The following SEMA4D variants were observed in gnomAD, a reference collection of about 807,000 sequenced individuals.
SEMA4D encodes semaphorin-4D.
SEMA4D carries 22 observed loss-of-function variants against 74.8 expected under a neutral mutation model. The ratio of observed to expected loss-of-function variants is 0.29; its 90% CI spans 0.21 to 0.42. The LOEUF is 0.42. Ranked by LOEUF, SEMA4D falls within the 10% of genes least tolerant of loss-of-function variation. SEMA4D has a pLI of 1.00. For synonymous variants in SEMA4D, 445 were observed against 463.7 expected (o/e 0.96, Z 0.52); for missense variants, 937 against 1,118.4 (o/e 0.84, Z 2.31).
intron 2 of SEMA4D, among the ~76,000 whole-genome samples, chr9:89,455,625 C>T (rs968427447): frequency 6.6e-6 from 1 of 152,206 alleles, no homozygotes; most frequent in Non-Finnish European, 1.5e-5. Flanking sequence ...CATTGCCTCG[C>T]TCATTGCCTC....
At chr9:89,432,535 C>G (rs1169279553) in intron 2 of SEMA4D, among the ~76,000 whole-genome samples, 1 of 152,204 alleles carries the variant, frequency 6.6e-6, no homozygotes, top group African/African-American at 2.4e-5. Context: ...CTCTGGTCAC[C>G]AGTGCAGTGG....
At chr9:89,450,608 G>C in intron 2 of SEMA4D, 1 of 793,930 alleles carries the variant, frequency 1.3e-6, no homozygotes, top group African/African-American at 1.9e-5. Context: ...TGAAGGTCCA[G>C]GATGCAGAGC....
At chr9:89,440,551 C>T (rs538909718) in intron 2 of SEMA4D, among the ~76,000 whole-genome samples, 189 of 152,344 alleles carry the variant, frequency 1.2e-3, no homozygotes, top group Non-Finnish European at 2.3e-3. Flanking sequence ...GCACCCTCCA[C>T]AGCAGCAGGG....
intron 1 of SEMA4D, among the ~76,000 whole-genome samples, chr9:89,486,363 T>G (rs1271922888): frequency 6.6e-6 from 1 of 152,208 alleles, no homozygotes; most frequent in Non-Finnish European, 1.5e-5. Flanking sequence ...ACGGAATTTT[T>G]GGAGTTATGA....
At chr9:89,435,958 G>C (rs1850301221) in intron 2 of SEMA4D, among the ~76,000 whole-genome samples, 1 of 152,216 alleles carries the variant, frequency 6.6e-6, no homozygotes. Context: ...GAGAAAGCAG[G>C]GATAGCCTAG....
rs1845327772 is a variant in SEMA4D at position 89,414,728 on chromosome 9, T to G, written c.-243-9029A>C. On this transcript the variant is annotated intron_variant, in intron 2 of 15. Coordinates refer to ENST00000422704, the MANE Select transcript of SEMA4D (RefSeq NM_001371194.2). ...TTTTCCTAGAATTAAAATGGATCCC[T>G]GGAGACCAACACTCCAGCTCTGCAG... Among the ~76,000 whole-genome samples the G allele has an allele frequency of 2.6e-5, 4 of 152,192 alleles. No individual in the cohort carries two copies. The South Asian group carries it at 8.3e-4, about 32-fold the overall frequency.
intron 6 of SEMA4D, 140 bp downstream of exon 6, chr9:89,396,597 C>A: frequency 1.4e-6 from 1 of 716,242 alleles, no homozygotes. Flanking sequence ...CCACAAGCTG[C>A]CCCCGTTTTC....
intron 2 of SEMA4D, among the ~76,000 whole-genome samples, chr9:89,435,373 C>A (rs1282074686): frequency 1.3e-5 from 2 of 152,196 alleles, no homozygotes; most frequent in Admixed American, 1.3e-4. Context: ...CATTCACAGC[C>A]CCCATTCCTA....
intron 6 of SEMA4D, among the ~76,000 whole-genome samples, chr9:89,396,103 C>T (rs1010220582): frequency 1.3e-5 from 2 of 152,126 alleles, no homozygotes; most frequent in African/African-American, 2.4e-5. Context: ...GGATGTGAGC[C>T]GGTGAGGGAC....
At chr9:89,485,144 C>T (rs1825074616) in intron 1 of SEMA4D, among the ~76,000 whole-genome samples, 1 of 152,180 alleles carries the variant, frequency 6.6e-6, no homozygotes, top group Non-Finnish European at 1.5e-5. Flanking sequence ...ATCAACTAAA[C>T]ATCTGACTCG....
intron 3 of SEMA4D, among the ~76,000 whole-genome samples, chr9:89,403,469 G>T (rs970329730): frequency 1.3e-5 from 2 of 152,182 alleles, no homozygotes; most frequent in Non-Finnish European, 2.9e-5. Flanking sequence ...TTCAGGAAAA[G>T]AATGTTTTAC....
At chr9:89,449,411 T>C in intron 2 of SEMA4D, 1 of 532,668 alleles carries the variant, frequency 1.9e-6, no homozygotes, top group Non-Finnish European at 3.5e-6. Context: ...TCAGATGCTC[T>C]TAGAAGTCAC....
At chr9:89,385,075 C>T (rs1373353623) in intron 13 of SEMA4D, 2 of 980,784 alleles carry the variant, frequency 2.0e-6, no homozygotes, top group African/African-American at 3.5e-5. Flanking sequence ...GCGCGAGGCT[C>T]CCTGTGTGGC....
Position 89,461,700 on chromosome 9 carries a change from C to CTCTCTCTTTTTTTTTTTTTTTTT in SEMA4D, c.-309-5748_-309-5747insAAAAAAAAAAAAAAAAAGAGAGA, listed in dbSNP as rs71281350. 7.9e-4 allele frequency among the ~76,000 whole-genome samples: 82 copies of CTCTCTCTTTTTTTTTTTTTTTTT among 103,650 alleles called. 1 individual carries two copies. Among genetic ancestry groups the CTCTCTCTTTTTTTTTTTTTTTTT allele is most frequent in the Middle Eastern group, 0.011 (2 of 182 alleles). The allele number at this position is 103,650 out of a possible 152,430, so 68.0% of individuals were successfully genotyped here. On this transcript the variant is annotated intron_variant, in intron 1 of 15. Transcript: ENST00000422704. ...GGGCCAATGTGTATTTCTTTTTTCTCTTTTTTTTTTTTTTTTTTTGGAGAC... is the reference window on the plus strand; with the variant it reads ...GGGCCAATGTGTATTTCTTTTTTCTCTCTCTCTTTTTTTTTTTTTTTTTTTTTTTTTTTTTTTTTTTTGGAGAC...
intron 13 of SEMA4D, chr9:89,384,649 GT>G: frequency 1.0e-6 from 1 of 984,786 alleles, no homozygotes; most frequent in Non-Finnish European, 1.2e-6. Context: ...CATCTGATGT[GT>G]ATTTACCAAA....
chr9:89,449,474 G>A, intron 2 of SEMA4D: 5 of 706,128 alleles, frequency 7.1e-6, no homozygotes, highest in Non-Finnish European at 1.3e-5. Flanking sequence ...AGGATCGAGG[G>A]AGCTCTGACC....
At position 89,391,285 on chromosome 9, in the gene SEMA4D, T is replaced by C. The variant is rs1409165856; in HGVS notation, c.753A>G (p.Pro251=). 2.5e-6 allele frequency: 4 copies of C among 1,614,114 alleles called. No homozygotes were observed. In the African/African-American group the frequency reaches 4.0e-5, roughly 16 times the overall value. ...TCACCTTGCACACTCTTGCTATCCG[T>C]GGGATCAGCACCCTGAACACAAACT... ...EYEFVFRVLI[P]RIARVCKGDQ... The change falls in exon 9 of 16, where the codon CCA becomes CCG. Residue 251 remains proline, a synonymous_variant. Coordinates refer to ENST00000422704, the MANE Select transcript of SEMA4D (RefSeq NM_001371194.2).
In SEMA4D at chr9:89,393,057, C is replaced by A. The variant is rs144224296; in HGVS notation, c.508+505G>T. ...CTCCTGTCCTCCCGCCTGAGCCTCC[C>A]GAGTAGCTAGGACCACAGGTGTGCT... On this transcript the variant is annotated intron_variant, in intron 7 of 15. Coordinates refer to ENST00000422704, the MANE Select transcript of SEMA4D (RefSeq NM_001371194.2). Among the ~76,000 whole-genome samples, 250 of 152,276 alleles carry A rather than the reference C, an allele frequency of 1.6e-3. 3 individuals carry two copies. Among genetic ancestry groups the A allele is most frequent in the African/African-American group, 5.4e-3 (225 of 41,542 alleles).
rs770965712 is a variant in SEMA4D at position 89,396,791 on chromosome 9, G to T, written c.360C>A (p.Ala120=). The T allele has an allele frequency of 2.6e-5, 42 of 1,614,072 alleles. No homozygotes were observed. Among genetic ancestry groups the T allele is most frequent in the Non-Finnish European group, 3.4e-5 (40 of 1,179,956 alleles). ...NYIRVLQPLS[A]TSLYVCGTNA... ...TGGTCCCACACACGTAAAGGGAAGT[G>T]GCGCTGAGTGGCTGCAGCACCCGGA... is the stretch of plus-strand genomic sequence containing the variant. The change falls in exon 6 of 16, where the codon GCC becomes GCA. Residue 120 remains alanine (A), a synonymous_variant. Coordinates refer to ENST00000422704, the MANE Select transcript of SEMA4D (RefSeq NM_001371194.2).
Sources: allele counts gnomAD v4.1 joint callset (sites outside exome capture counted in the v4.1 genomes callset), GRCh38; gene constraint gnomAD v4.1.1; transcripts MANE v1.5; gene names NCBI Gene and HGNC (gene_info 2026-07-23, HGNC 2026-07-21).